CSMD1: variants seen among roughly 807,000 people sequenced by gnomAD.
CSMD1 encodes the protein CUB and Sushi multiple domains 1.
A neutral mutation model predicts 417.5 loss-of-function variants in CSMD1; 213 were observed. The observed-to-expected ratio is 0.51, with a 90% CI of 0.46 to 0.57. The LOEUF (loss-of-function observed/expected upper bound fraction) is 0.57, where lower values mean the gene tolerates loss of function less well. CSMD1 is among the 20% of genes least tolerant of loss of function. The pLI, the probability that CSMD1 is intolerant of heterozygous loss-of-function variation, is 0.00. For missense variants in CSMD1, 6,923 were observed against 4,529.7 expected (o/e 1.53, Z -15.17); for synonymous variants, 2,862 against 1,736.8 (o/e 1.65, Z -16.11).
intron 7 of CSMD1, among the ~76,000 whole-genome samples, chr8:3,685,103 T>C (rs1023450767): frequency 1.3e-5 from 2 of 152,186 alleles, no homozygotes; most frequent in African/African-American, 4.8e-5. Context: ...ACTGGGTTCA[T>C]TATAGAAAAT....
intron 10 of CSMD1, among the ~76,000 whole-genome samples, chr8:3,563,227 G>A (rs1478713985): frequency 6.6e-6 from 1 of 151,622 alleles, no homozygotes; most frequent in African/African-American, 2.4e-5. Context: ...TCCTTCTAAA[G>A]TGACATCTCC....
chr8:3,387,982 C>A (rs1811115532), intron 17 of CSMD1, among the ~76,000 whole-genome samples: 1 of 152,142 alleles, frequency 6.6e-6, no homozygotes, highest in Non-Finnish European at 1.5e-5. Flanking sequence ...CAATGAATTG[C>A]ACTAAATAAA....
intron 7 of CSMD1, among the ~76,000 whole-genome samples, chr8:3,697,039 A>G (rs1421336366): frequency 6.6e-6 from 1 of 152,170 alleles, no homozygotes; most frequent in East Asian, 1.9e-4. Flanking sequence ...TTCCTCTTCC[A>G]TTGAGGGCAG....
intron 8 of CSMD1, among the ~76,000 whole-genome samples, chr8:3,593,040 G>C (rs899723526): frequency 1.3e-5 from 2 of 152,298 alleles, no homozygotes; most frequent in African/African-American, 4.8e-5. Flanking sequence ...GGAGAGGCTG[G>C]AAGCCCTGGC....
Position 2,935,401 on chromosome 8 carries a change from G to T in CSMD1, c.*3184C>A, listed in dbSNP as rs905951811. On this transcript the variant is annotated 3_prime_UTR_variant, in exon 70 of 70. Coordinates refer to ENST00000635120, the MANE Select transcript of CSMD1 (RefSeq NM_033225.6). ...AATTAGAACTCTGATTTGCTTTAAA[G>T]ATTGGTGGCATTGCACAGGCTATAT... 3.9e-5 allele frequency: 6 copies of T among 152,224 alleles called. No homozygotes were observed. The highest frequency in any genetic ancestry group is 1.4e-4 in the African/African-American group (6 of 41,516). 9.4% of individuals were successfully genotyped at this position (152,224 alleles called of 1,614,324 possible).
At chr8:4,842,858 C>T (rs948183044) in intron 1 of CSMD1, among the ~76,000 whole-genome samples, 1 of 152,148 alleles carries the variant, frequency 6.6e-6, no homozygotes, top group South Asian at 2.1e-4. Flanking sequence ...CTTTTTTCAA[C>T]GCTTAAAGGC....
chr8:4,730,910 GT>G (rs5889059), intron 1 of CSMD1, among the ~76,000 whole-genome samples: 57,101 of 151,910 alleles, frequency 0.38, 11,804 homozygotes, highest in South Asian at 0.5. Context: ...ACCGTGCTTT[GT>G]TTCCAGTCAT....
intron 3 of CSMD1, among the ~76,000 whole-genome samples, chr8:4,097,280 G>C (rs926119790): frequency 1.3e-5 from 2 of 152,256 alleles, no homozygotes; most frequent in South Asian, 4.1e-4. Context: ...TACAGTCTAA[G>C]CTCTGTCTTA....
chr8:4,231,126 A>G (rs1304187423), intron 3 of CSMD1, among the ~76,000 whole-genome samples: 5 of 152,226 alleles, frequency 3.3e-5, no homozygotes, highest in African/African-American at 1.2e-4. Flanking sequence ...TGAACTACAG[A>G]AGAGTATTAC....
chr8:3,433,317 G>C (rs1239724251), intron 12 of CSMD1, among the ~76,000 whole-genome samples: 1 of 152,160 alleles, frequency 6.6e-6, no homozygotes, highest in Admixed American at 6.5e-5. Flanking sequence ...TTCCTTGACA[G>C]GGACTTCCAC....
rs569558476 is a variant in CSMD1, at chr8:3,348,079, C to T, written c.3387G>A (p.Glu1129=). The T allele has an allele frequency of 1.8e-5, 29 of 1,612,392 alleles. No individual in the cohort carries two copies. In the African/African-American group the frequency reaches 2.0e-4, roughly 11 times the overall value. ...CTTCTGTTTCTATTTTATAGATACA[C>T]TCATGGTTATTATCATAATTGGATG... ...NFPSNYDNNH[E]CIYKIETEAG... Residue 1129 remains glutamate, a synonymous_variant, in exon 22 of 70, where the codon GAG becomes GAA. Transcript: ENST00000635120.
chr8:4,367,445 T>G (rs949563014), intron 3 of CSMD1, among the ~76,000 whole-genome samples: 10 of 152,226 alleles, frequency 6.6e-5, no homozygotes, highest in Admixed American at 5.2e-4. Context: ...AGTACCATGA[T>G]GTTTTGATTA....
At chr8:3,292,657 T>G (rs538786622) in intron 25 of CSMD1, among the ~76,000 whole-genome samples, 29 of 152,274 alleles carry the variant, frequency 1.9e-4, no homozygotes, top group African/African-American at 6.7e-4. Flanking sequence ...AACCCCTGCC[T>G]TTTTTGTTTT....
At chr8:3,469,958 G>C (rs919986726) in intron 11 of CSMD1, among the ~76,000 whole-genome samples, 1 of 152,172 alleles carries the variant, frequency 6.6e-6, no homozygotes. Flanking sequence ...TTTGAAGAGA[G>C]ATTTTTTTCT....
At chr8:3,450,010 T>G (rs1815584041) in intron 12 of CSMD1, among the ~76,000 whole-genome samples, 1 of 152,170 alleles carries the variant, frequency 6.6e-6, no homozygotes, top group East Asian at 1.9e-4. Flanking sequence ...GGTCACCAGC[T>G]CCTCCTCATC....
intron 54 of CSMD1, among the ~76,000 whole-genome samples, chr8:2,994,386 G>C (rs1806689475): frequency 6.6e-6 from 1 of 152,082 alleles, no homozygotes; most frequent in Non-Finnish European, 1.5e-5. Flanking sequence ...CCCACACACA[G>C]AAGTGTGCAC....
rs531465641 is a variant in CSMD1, at chr8:3,043,276, A to C, written c.7660+9186T>G. Among the ~76,000 whole-genome samples, 15 of 151,896 alleles carry C rather than the reference A, an allele frequency of 9.9e-5. No homozygotes were observed. The South Asian group carries it at 3.1e-3, about 32-fold the overall frequency. On this transcript the variant is annotated intron_variant, in intron 50 of 69. Transcript: ENST00000635120. ...GTACATATAGTACTATAGCGAATATAGTACATGTAAACCTACAGTACTAGG... is the reference window on the plus strand; with the variant it reads ...GTACATATAGTACTATAGCGAATATCGTACATGTAAACCTACAGTACTAGG...
At chr8:4,780,520 C>T (rs1248945959) in intron 1 of CSMD1, among the ~76,000 whole-genome samples, 1 of 152,092 alleles carries the variant, frequency 6.6e-6, no homozygotes, top group Non-Finnish European at 1.5e-5. Flanking sequence ...GAGAAACGAA[C>T]CTGCCTTGAT....
intron 7 of CSMD1, among the ~76,000 whole-genome samples, chr8:3,626,276 C>T (rs537100625): frequency 2.6e-4 from 39 of 152,278 alleles, no homozygotes; most frequent in Non-Finnish European, 5.1e-4. Flanking sequence ...TCCTTCTGCA[C>T]ATTTAAGAAC....
Sources: gnomAD v4.1 joint callset for allele counts (sites outside exome capture counted in the v4.1 genomes callset) on GRCh38, gnomAD v4.1.1 for gene constraint, MANE v1.5 for transcripts, NCBI Gene and HGNC (gene_info 2026-07-23, HGNC 2026-07-21) for gene names.